DNAH11: variants seen among roughly 807,000 people sequenced by gnomAD.
DNAH11 encodes the protein dynein axonemal heavy chain 11, also known as axonemal beta dynein heavy chain 11.
DNAH11 carries 442 observed loss-of-function variants against 526.0 expected under a neutral mutation model. The observed-to-expected ratio is 0.84, with a 90% CI of 0.78 to 0.91. DNAH11 has a LOEUF of 0.91. Ranked by LOEUF, DNAH11 falls within the 40% of genes least tolerant of loss-of-function variation. DNAH11 has a pLI of 0.00. For synonymous variants in DNAH11, 2,461 were observed against 1,935.9 expected, an observed-to-expected ratio of 1.27 and a Z score of -7.12; for missense variants, 6,989 against 5,448.7, an observed-to-expected ratio of 1.28 and a Z score of -8.90.
intron 42 of DNAH11, among the ~76,000 whole-genome samples, chr7:21,717,010 A>G (rs1396514846): frequency 3.3e-5 from 5 of 152,062 alleles, no homozygotes; most frequent in Admixed American, 6.6e-5. Context: ...TGCTAAATGT[A>G]TTTATTCCCC....
In DNAH11 at chr7:21,872,138, A is replaced by AAAAAAACAAAC. The variant is rs1554291069; in HGVS notation, c.11968-1130_11968-1129insCAAACAAAAAA. 4.7e-5 allele frequency among the ~76,000 whole-genome samples: 6 copies of AAAAAAACAAAC among 128,914 alleles called. 1 individual carries two copies. The highest frequency in any genetic ancestry group is 1.7e-4 in the African/African-American group (5 of 29,330). 84.6% of individuals were successfully genotyped at this position (128,914 alleles called of 152,430 possible). ...GACTCTGTCTCAAAAAAAAAAAAAA[A>AAAAAAACAAAC]AAAAAAAAAAACCTTCATAATGACC... On this transcript the variant is annotated intron_variant, in intron 73 of 81. Transcript: ENST00000409508.
At chr7:21,807,686 G>A (rs1280205738) in intron 62 of DNAH11, among the ~76,000 whole-genome samples, 197 bp from the exon 63 acceptor site, 1 of 152,134 alleles carries the variant, frequency 6.6e-6, no homozygotes, top group South Asian at 2.1e-4. Context: ...CCACTGAGGA[G>A]AGTATGAGAA....
At chr7:21,614,184 A>G (rs1785659442) in intron 20 of DNAH11, among the ~76,000 whole-genome samples, 1 of 152,238 alleles carries the variant, frequency 6.6e-6, no homozygotes, top group East Asian at 1.9e-4. Flanking sequence ...AAGTATAGGT[A>G]TTTAAAGTTC....
intron 30 of DNAH11, among the ~76,000 whole-genome samples, chr7:21,664,807 C>T (rs1782362973): frequency 6.6e-6 from 1 of 152,098 alleles, no homozygotes; most frequent in African/African-American, 2.4e-5. Flanking sequence ...TTTCTGATCA[C>T]ATTAGCAGGG....
chr7:21,781,680 G>A (rs1208412238), intron 57 of DNAH11, among the ~76,000 whole-genome samples: 1 of 152,108 alleles, frequency 6.6e-6, no homozygotes, highest in Non-Finnish European at 1.5e-5. Context: ...GGTTTTAGAG[G>A]ATCATAAGGA....
intron 28 of DNAH11, among the ~76,000 whole-genome samples, chr7:21,641,696 A>C (rs1311364842): frequency 6.6e-6 from 1 of 152,172 alleles, no homozygotes; most frequent in Non-Finnish European, 1.5e-5. Context: ...TGTGCTTTTT[A>C]CATCCTTTAA....
intron 56 of DNAH11, among the ~76,000 whole-genome samples, chr7:21,775,369 C>G (rs1043576343): frequency 6.6e-6 from 1 of 152,130 alleles, no homozygotes; most frequent in Admixed American, 6.5e-5. Context: ...TTAATCCCAG[C>G]ACTTTGGGAG....
chr7:21,740,499 T>C (rs896972669), intron 48 of DNAH11, among the ~76,000 whole-genome samples: 1 of 152,236 alleles, frequency 6.6e-6, no homozygotes, highest in Admixed American at 6.5e-5. Context: ...GTGGCTGGCT[T>C]ATTTCACTTA....
intron 30 of DNAH11, among the ~76,000 whole-genome samples, chr7:21,679,837 A>G (rs1783064827): frequency 6.6e-6 from 1 of 152,168 alleles, no homozygotes. Flanking sequence ...CTCATCTGCA[A>G]AGTTCGGATA....
At chr7:21,559,453 A>C in intron 3 of DNAH11, 150 bp from the exon 4 acceptor site, 1 of 664,438 alleles carries the variant, frequency 1.5e-6, no homozygotes, top group South Asian at 2.3e-5. Context: ...ACGTAACCCC[A>C]CAACTCAAAT....
At chr7:21,896,397 T>C (rs1784517815) in intron 79 of DNAH11, among the ~76,000 whole-genome samples, 1 of 152,206 alleles carries the variant, frequency 6.6e-6, no homozygotes, top group Non-Finnish European at 1.5e-5. Flanking sequence ...CTTCAGCACT[T>C]TGATGTTCTA....
At chr7:21,582,829 G>C (rs1181361936) in intron 9 of DNAH11, among the ~76,000 whole-genome samples, 1 of 152,190 alleles carries the variant, frequency 6.6e-6, no homozygotes, top group Non-Finnish European at 1.5e-5. Flanking sequence ...GAGAATGGCA[G>C]TGCCAAACAA....
At position 21,561,127 on chromosome 7, in the gene DNAH11, C is replaced by G. The variant is rs72655977; in HGVS notation, c.939C>G (p.Ser313Arg). 1 of 1,604,124 alleles carries G rather than the reference C, an allele frequency of 6.2e-7. No individual in the cohort carries two copies. Among genetic ancestry groups the G allele is most frequent in the Non-Finnish European group, 8.5e-7 (1 of 1,175,030 alleles). ...AGATCCTGACAACTAAACAAAGCAG[C>G]TATTTTCCTACTCTGAAGGACATTT... ...MVKILTTKQS[S>R]YFPTLKDIFL... The change falls in exon 5 of 82, where the codon AGC (serine) becomes AGG (arginine). Residue 313 changes from serine to arginine, a missense_variant. Transcript: ENST00000409508.
chr7:21,871,060 A>C (rs566024767), intron 73 of DNAH11, among the ~76,000 whole-genome samples: 37 of 152,364 alleles, frequency 2.4e-4, no homozygotes, highest in African/African-American at 8.2e-4. Context: ...TATGATATGT[A>C]TGTACATGTT....
intron 62 of DNAH11, among the ~76,000 whole-genome samples, chr7:21,802,965 TA>T (rs1789062632): frequency 6.8e-6 from 1 of 146,342 alleles, no homozygotes; most frequent in Non-Finnish European, 1.5e-5. Context: ...ATATATAATG[TA>T]GTAAAAAACA....
Position 21,591,512 on chromosome 7 carries a change from G to C in DNAH11, c.2602G>C (p.Asp868His). The change falls in exon 14 of 82, where the codon GAT (aspartate) becomes CAT (histidine). Residue 868 changes from aspartate (D) to histidine (H), a missense_variant. Transcript: ENST00000409508. ...AGCCTTCACCTTGGAGGACAAGGGT[G>C]ATTTGTTTACAAAAAAATACAAGTT... ...EAAFTLEDKGDLFTKKYKLIQ... is the reference protein window; with the variant it reads ...EAAFTLEDKGHLFTKKYKLIQ... 1 of 1,600,380 alleles carries C rather than the reference G, an allele frequency of 6.2e-7. No individual in the cohort carries two copies. Among genetic ancestry groups the C allele is most frequent in the Non-Finnish European group, 8.5e-7 (1 of 1,170,314 alleles).
intron 65 of DNAH11, among the ~76,000 whole-genome samples, chr7:21,842,130 C>A (rs568990830): frequency 5.8e-4 from 88 of 152,282 alleles, no homozygotes; most frequent in African/African-American, 2.1e-3. Context: ...AGGAACTTCA[C>A]TCTTGTTTAT....
chr7:21,826,248 A>C (rs1036279322), intron 65 of DNAH11, among the ~76,000 whole-genome samples: 1 of 152,178 alleles, frequency 6.6e-6, no homozygotes, highest in African/African-American at 2.4e-5. Context: ...AAGTATCTTT[A>C]AAACAAAATA....
intron 12 of DNAH11, 141 bp downstream of exon 12, chr7:21,589,544 G>A (rs1253118524): frequency 1.6e-6 from 1 of 636,976 alleles, no homozygotes; most frequent in Non-Finnish European, 2.6e-6. Context: ...TTTCTTACAG[G>A]TCTTCATTGT....
Sources: allele counts gnomAD v4.1 joint callset (sites outside exome capture counted in the v4.1 genomes callset), GRCh38; gene constraint gnomAD v4.1.1; transcripts MANE v1.5; gene names NCBI Gene and HGNC (gene_info 2026-07-23, HGNC 2026-07-21).